The following PHF21B variants were observed in gnomAD, a reference collection of about 807,000 sequenced individuals.
PHF21B encodes PHD finger protein 4.
Under a neutral mutation model 62.2 loss-of-function variants are expected in PHF21B, and 22 were observed. The ratio of observed to expected loss-of-function variants is 0.35; its 90% CI spans 0.25 to 0.51. PHF21B has a LOEUF of 0.51. PHF21B is among the 20% of genes least tolerant of loss of function. PHF21B has a pLI of 0.97. For missense variants in PHF21B, 701 were observed against 707.9 expected, an observed-to-expected ratio of 0.99 and a Z score of 0.11; for synonymous variants, 341 against 314.7, an observed-to-expected ratio of 1.08 and a Z score of -0.88.
At chr22:44,938,967 G>A (rs556968932) in intron 2 of PHF21B, among the ~76,000 whole-genome samples, 2 of 152,226 alleles carry the variant, frequency 1.3e-5, no homozygotes, top group African/African-American at 4.8e-5. Flanking sequence ...GTTGAGGACT[G>A]AAAAAGACCA....
chr22:44,913,534 G>C (rs923649991), intron 5 of PHF21B, among the ~76,000 whole-genome samples: 1 of 152,214 alleles, frequency 6.6e-6, no homozygotes, highest in African/African-American at 2.4e-5. Flanking sequence ...AGCTGCTCAC[G>C]GTCACACCAC....
chr22:44,986,199 G>T (rs12157921), intron 2 of PHF21B, among the ~76,000 whole-genome samples: 2 of 132,732 alleles, frequency 1.5e-5, no homozygotes, highest in Non-Finnish European at 3.2e-5. Flanking sequence ...CAGCATCACC[G>T]CCACTACCAT....
chr22:44,929,428 G>C (rs537373340), intron 2 of PHF21B, among the ~76,000 whole-genome samples: 1 of 152,366 alleles, frequency 6.6e-6, no homozygotes, highest in African/African-American at 2.4e-5. Context: ...GCCACGGCGA[G>C]TGCATGTGAA....
intron 2 of PHF21B, among the ~76,000 whole-genome samples, chr22:44,981,607 A>G (rs1018483801): frequency 6.6e-6 from 1 of 152,216 alleles, no homozygotes; most frequent in Non-Finnish European, 1.5e-5. Flanking sequence ...ACTGCCTAGC[A>G]TTTGTGCATC....
chr22:44,993,089 G>A (rs1172508127), intron 2 of PHF21B, among the ~76,000 whole-genome samples: 1 of 152,170 alleles, frequency 6.6e-6, no homozygotes, highest in Non-Finnish European at 1.5e-5. Flanking sequence ...TCAGGTACAG[G>A]GAGAAGCCAC....
chr22:44,886,007 G>A lies in PHF21B; in HGVS notation c.1198-69C>T, dbSNP rs916699426. 4.0e-6 allele frequency: 6 copies of A among 1,482,550 alleles called. No individual in the cohort carries two copies. In the Admixed American group the frequency reaches 8.7e-5, roughly 21 times the overall value. 91.8% of individuals were successfully genotyped at this position (1,482,550 alleles called of 1,614,324 possible). A position where few individuals can be genotyped will look rare whatever the true frequency, so the allele number is the denominator to read the frequency against. ...ACCTGCTGGGACTGTCCACACCCTG[G>A]CTGTGTAACCCTGAGGGGGCACGCC... On this transcript the variant is annotated intron_variant, in intron 10 of 12. Transcript: ENST00000313237.
intron 2 of PHF21B, among the ~76,000 whole-genome samples, chr22:44,981,024 G>A (rs1256604904): frequency 1.3e-5 from 2 of 152,208 alleles, no homozygotes; most frequent in Non-Finnish European, 2.9e-5. Context: ...AAATAAATAA[G>A]TCCCAAGCTT....
chr22:44,891,456 T>A (rs1434230477), intron 7 of PHF21B, 96 bp from the exon 8 acceptor site: 29 of 1,453,002 alleles, frequency 2.0e-5, no homozygotes, highest in Non-Finnish European at 2.8e-5. Flanking sequence ...TGGGACAGGG[T>A]TCCCACCCAG....
intron 2 of PHF21B, among the ~76,000 whole-genome samples, chr22:44,951,784 G>A (rs1601636289): frequency 6.6e-6 from 1 of 152,060 alleles, no homozygotes; most frequent in Non-Finnish European, 1.5e-5. Context: ...ATTTTTTTGG[G>A]TCTGCACCCA....
chr22:44,889,631 A>G (rs2070925030), intron 9 of PHF21B, 129 bp downstream of exon 9: 3 of 1,185,242 alleles, frequency 2.5e-6, no homozygotes, highest in Non-Finnish European at 3.5e-6. Context: ...TTAGCACCTA[A>G]AGGCAGAACC....
intron 2 of PHF21B, among the ~76,000 whole-genome samples, chr22:44,952,467 G>A (rs1255240020): frequency 1.3e-5 from 2 of 152,208 alleles, no homozygotes; most frequent in Non-Finnish European, 2.9e-5. Flanking sequence ...ATGGGAAAAG[G>A]TTCCCGTCTA....
At chr22:44,945,531 G>T (rs2072050349) in intron 2 of PHF21B, among the ~76,000 whole-genome samples, 1 of 152,158 alleles carries the variant, frequency 6.6e-6, no homozygotes, top group Admixed American at 6.5e-5. Context: ...CACAGCTGGG[G>T]CTTGTTTCCC....
At chr22:44,883,372 C>T (rs906650100) in intron 12 of PHF21B, 68 bp from the exon 13 acceptor site, 13 of 1,466,202 alleles carry the variant, frequency 8.9e-6, no homozygotes, top group East Asian at 2.3e-5. Flanking sequence ...GGGCAGCCAC[C>T]GTCTGGGCCC....
At chr22:45,007,548 CG>C (rs1172349057) in intron 2 of PHF21B, among the ~76,000 whole-genome samples, 2 of 16,032 alleles carry the variant, frequency 1.2e-4, no homozygotes, top group East Asian at 1.9e-3. Context: ...GCGGCGCGGG[CG>C]GGGGCGGGGC....
intron 2 of PHF21B, among the ~76,000 whole-genome samples, chr22:44,969,508 A>C (rs1404739744): frequency 6.6e-6 from 1 of 152,174 alleles, no homozygotes; most frequent in Non-Finnish European, 1.5e-5. Context: ...TCTACTAAAA[A>C]TACAAAAATT....
chr22:44,884,304 ACC>A, intron 12 of PHF21B, among the ~76,000 whole-genome samples: 1 of 136,670 alleles, frequency 7.3e-6, no homozygotes, highest in African/African-American at 3.0e-5. Context: ...CACCACCACC[ACC>A]ATCACTGTGA....
intron 2 of PHF21B, among the ~76,000 whole-genome samples, chr22:44,927,525 A>AG (rs1253326360): frequency 2.0e-5 from 3 of 152,142 alleles, no homozygotes; most frequent in Non-Finnish European, 4.4e-5. Context: ...GCTGCCTTGC[A>AG]GGGCCCCCTC....
intron 2 of PHF21B, among the ~76,000 whole-genome samples, chr22:44,937,890 T>A (rs1247861953): frequency 6.6e-6 from 1 of 152,248 alleles, no homozygotes; most frequent in African/African-American, 2.4e-5. Context: ...TCCCTGGTGA[T>A]GAAATCTCAA....
intron 2 of PHF21B, among the ~76,000 whole-genome samples, chr22:44,963,688 A>G (rs2072469405): frequency 6.6e-6 from 1 of 152,218 alleles, no homozygotes; most frequent in Non-Finnish European, 1.5e-5. Flanking sequence ...CCCAGGGGCC[A>G]TGTGGGGCTG....
Sources: allele counts gnomAD v4.1 joint callset (sites outside exome capture counted in the v4.1 genomes callset), GRCh38; gene constraint gnomAD v4.1.1; transcripts MANE v1.5; gene names NCBI Gene and HGNC (gene_info 2026-07-23, HGNC 2026-07-21).